ZNF195: variants seen among roughly 807,000 people sequenced by gnomAD.
ZNF195 encodes the protein hypoxia-regulated factor-1.
ZNF195 carries 11 observed loss-of-function variants against 19.5 expected under a neutral mutation model. That is an observed-to-expected ratio of 0.57 (90% CI 0.36 to 0.94). The LOEUF (loss-of-function observed/expected upper bound fraction) is 0.94. Ranked by LOEUF, ZNF195 falls within the 40% of genes least tolerant of loss-of-function variation. The pLI is 0.01. For synonymous variants in ZNF195, 214 were observed against 248.1 expected (o/e 0.86, Z 1.29); for missense variants, 582 against 709.0 (o/e 0.82, Z 2.03).
In ZNF195 at chr11:3,371,691, A is replaced by G; in HGVS notation, c.16T>C (p.Phe6Leu). The G allele has an allele frequency of 1.9e-6, 3 of 1,603,490 alleles. No individual in the cohort carries two copies. The highest frequency in any genetic ancestry group is 1.7e-4 in the Middle Eastern group (1 of 6,006). ...GAGAATTCTATGGCCACATCCCTGA[A>G]CGTCAACAGAGTCTGAAGAAGAAAC... Reference protein sequence around the residue: MTLLTFRDVAIEFSLE... With the variant: MTLLTLRDVAIEFSLE... The change falls in exon 2 of 6, where the codon TTC becomes CTC. Residue 6 changes from phenylalanine (F) to leucine (L), a missense_variant. By Grantham distance (22) the Phe-to-Leu change is conservative. Around this residue, in one of 3 missense-constraint regions of ZNF195, gnomAD observed 46 missense variants for 66.5 expected, o/e 0.69. Coordinates refer to ENST00000399602, the MANE Select transcript of ZNF195 (RefSeq NM_001130520.3).
rs540470072 is a variant in ZNF195 at position 3,360,986 on chromosome 11, G to A, written c.374-198C>T. 3.0e-4 allele frequency among the ~76,000 whole-genome samples: 45 copies of A among 152,238 alleles called. 1 individual carries two copies. The highest frequency in any genetic ancestry group is 9.1e-4 in the African/African-American group (38 of 41,532). ...TGGCAAAGATTGGTTTCTGCCCCCT[G>A]TGACACGGAGTGCTGAGAGAAATGG... is the stretch of plus-strand genomic sequence containing the variant. On this transcript the variant is annotated intron_variant, in intron 4 of 5. Transcript: ENST00000399602.
chr11:3,376,331 C>CT (rs1336869179), intron 1 of ZNF195, among the ~76,000 whole-genome samples: 5 of 149,278 alleles, frequency 3.3e-5, no homozygotes, highest in African/African-American at 1.2e-4. Flanking sequence ...TAGCTGATAA[C>CT]TGAAAAAAAA....
intron 3 of ZNF195, among the ~76,000 whole-genome samples, chr11:3,368,600 G>C (rs1849021827): frequency 6.6e-6 from 1 of 152,212 alleles, no homozygotes; most frequent in South Asian, 2.1e-4. Flanking sequence ...AATTACAATA[G>C]ACTTGGCATA....
chr11:3,372,376 C>A (rs1424218195), intron 1 of ZNF195, among the ~76,000 whole-genome samples: 1 of 152,228 alleles, frequency 6.6e-6, no homozygotes, highest in Non-Finnish European at 1.5e-5. Flanking sequence ...GAAAATCTGT[C>A]AGGGAGCTCT....
Position 3,359,592 on chromosome 11 carries a change from C to G in ZNF195, c.1416G>C (p.Gly472=). The G allele has an allele frequency of 1.2e-6, 2 of 1,613,296 alleles. No individual in the cohort carries two copies. Among genetic ancestry groups the G allele is most frequent in the South Asian group, 2.2e-5 (2 of 91,016 alleles). ...GEKPYQCEEC[G]KVFRTCSSLS... ...GGCTTGAGCAAGTTCTGAAGACCTT[C>G]CCACATTCTTCACATTGGTAGGGTT... Residue 472 remains glycine, a synonymous_variant, in exon 6 of 6, where the codon GGG becomes GGC. Transcript: ENST00000399602. The surrounding 1 kb of genome is among the most constrained non-coding windows in gnomAD (Gnocchi z 5.5).
chr11:3,379,026 C>T lies in ZNF195; in HGVS notation c.3+12G>A. 2.0e-6 allele frequency: 3 copies of T among 1,489,182 alleles called. No homozygotes were observed. The highest frequency in any genetic ancestry group is 1.4e-5 in the African/African-American group (1 of 70,642). 92.2% of individuals were successfully genotyped at this position (1,489,182 alleles called of 1,614,324 possible). Reference sequence around the variant, plus strand: ...CTCCCTGTCTCTCAGGAGGCCTGGCCCCTACACTCACCATCTCCTGGCCTC... The same window carrying T: ...CTCCCTGTCTCTCAGGAGGCCTGGCTCCTACACTCACCATCTCCTGGCCTC... On this transcript the variant is annotated intron_variant, in intron 1 of 5. Transcript: ENST00000399602.
Position 3,360,733 on chromosome 11 carries a change from G to A in ZNF195, c.429C>T (p.Cys143=). 6.4e-7 allele frequency: 1 copy of A among 1,551,474 alleles called. No individual in the cohort carries two copies. The highest frequency in any genetic ancestry group is 8.7e-7 in the Non-Finnish European group (1 of 1,146,934). ...ATGTAACAATACCTAGTGAGAAGAT[G>A]CATCTGAACTCTAAAAACCATTTCA... The part of the protein sequence containing the change: ...QTVKWFLEFR[C]IFSLAMSSHF... The change falls in exon 5 of 6, where the codon TGC becomes TGT. Residue 143 remains cysteine (C), a synonymous_variant. Transcript: ENST00000399602.
rs145625334 is a variant in ZNF195 at position 3,370,430 on chromosome 11, T to A, written c.226+545A>T. Among the ~76,000 whole-genome samples, 1,230 of 152,346 alleles carry A rather than the reference T, an allele frequency of 8.1e-3. 22 individuals are homozygous for A. Among genetic ancestry groups the A allele is most frequent in the South Asian group, 0.036 (176 of 4,830 alleles). On this transcript the variant is annotated intron_variant, in intron 3 of 5. Coordinates refer to ENST00000399602, the MANE Select transcript of ZNF195 (RefSeq NM_001130520.3). ...AGTAAAATAACATTAGATTATCTCA[T>A]ATTTGGGCAGATGCCTAGTGTTCGG...
chr11:3,358,762 G>GCTCTAT lies in ZNF195; in HGVS notation c.*355_*356insATAGAG. On this transcript the variant is annotated 3_prime_UTR_variant, in exon 6 of 6. Coordinates refer to ENST00000399602, the MANE Select transcript of ZNF195 (RefSeq NM_001130520.3). ...GGGATTCAGTGTCATTTCTGAACGTGTCCTTGCTTATTTTTCCCATTTAGT... is the reference window on the plus strand; with the variant it reads ...GGGATTCAGTGTCATTTCTGAACGTGCTCTATTCCTTGCTTATTTTTCCCATTTAGT... 1.3e-5 allele frequency: 1 copy of GCTCTAT among 75,914 alleles called. No homozygotes were observed. Among genetic ancestry groups the GCTCTAT allele is most frequent in the Non-Finnish European group, 2.2e-5 (1 of 44,812 alleles). 4.7% of individuals were successfully genotyped at this position (75,914 alleles called of 1,614,324 possible). A position where few individuals can be genotyped will look rare whatever the true frequency, so the allele number is the denominator to read the frequency against.
chr11:3,364,008 G>T (rs1229896911), intron 3 of ZNF195, among the ~76,000 whole-genome samples: 2 of 152,162 alleles, frequency 1.3e-5, no homozygotes, highest in African/African-American at 2.4e-5. Flanking sequence ...AGAAAAAAAG[G>T]TTGTTAACTT....
At chr11:3,363,113 T>G (rs1848710445) in intron 3 of ZNF195, among the ~76,000 whole-genome samples, 1 of 152,216 alleles carries the variant, frequency 6.6e-6, no homozygotes, top group Non-Finnish European at 1.5e-5. Flanking sequence ...GGTATTGAAG[T>G]AACTTCCTAT....
intron 1 of ZNF195, chr11:3,373,760 C>T (rs905958876): frequency 1.7e-5 from 13 of 781,334 alleles, no homozygotes; most frequent in Admixed American, 1.3e-4. Flanking sequence ...AAAGTCCACG[C>T]TTTTCTGTTC....
intron 1 of ZNF195, among the ~76,000 whole-genome samples, chr11:3,372,554 T>TAAATATCTCCCAGGTTCTGAC (rs200524195): frequency 2.7e-5 from 4 of 150,634 alleles, no homozygotes; most frequent in South Asian, 2.1e-4. Flanking sequence ...AAGAGACAAA[T>TAAATATCTCCCAGGTTCTGAC]AAATATCTCC....
chr11:3,361,617 A>G, intron 4 of ZNF195, 126 bp downstream of exon 4: 2 of 479,392 alleles, frequency 4.2e-6, no homozygotes, highest in Non-Finnish European at 6.4e-6. Context: ...AAGAAGCTCA[A>G]CACATCAACT....
At chr11:3,361,709 G>A (rs1257905444) in intron 4 of ZNF195, 34 bp downstream of exon 4, 37 of 1,298,042 alleles carry the variant, frequency 2.9e-5, no homozygotes, top group Non-Finnish European at 3.4e-5. Context: ...AAAGCAGCAA[G>A]TGAAAAGCAA....
intron 3 of ZNF195, 32 bp downstream of exon 3, chr11:3,370,943 C>A (rs371219138): frequency 1.9e-6 from 3 of 1,611,670 alleles, no homozygotes; most frequent in Non-Finnish European, 2.5e-6. Context: ...GACCTCTCAC[C>A]TGGGTTACCT....
chr11:3,368,333 C>T (rs1415784278), intron 3 of ZNF195, among the ~76,000 whole-genome samples: 1 of 152,156 alleles, frequency 6.6e-6, no homozygotes, highest in African/African-American at 2.4e-5. Context: ...GAGAATCAGG[C>T]ACCACGGCTC....
chr11:3,369,132 C>A, intron 3 of ZNF195: 1 of 274,878 alleles, frequency 3.6e-6, no homozygotes, highest in South Asian at 3.8e-5. Flanking sequence ...ACTAGGATGG[C>A]TAATATCAAA....
At position 3,360,555 on chromosome 11, in the gene ZNF195, A is replaced by G; in HGVS notation, c.453T>C (p.Ser151=). The part of the protein sequence containing the change: ...FRCIFSLAMS[S]HFTQDLLPEQ... ...CTGGCAGAAGGTCTTGGGTAAAATG[A>G]GAAGACATAGCTGAAAAAAAAAAAA... is the stretch of plus-strand genomic sequence containing the variant. The change falls in exon 6 of 6, where the codon TCT becomes TCC. Residue 151 remains serine (S), a synonymous_variant. Coordinates refer to ENST00000399602, the MANE Select transcript of ZNF195 (RefSeq NM_001130520.3). 6.4e-7 allele frequency: 1 copy of G among 1,572,088 alleles called. No individual in the cohort carries two copies. Among genetic ancestry groups the G allele is most frequent in the Non-Finnish European group, 8.6e-7 (1 of 1,166,138 alleles).
Sources: gnomAD v4.1 joint callset for allele counts (sites outside exome capture counted in the v4.1 genomes callset) on GRCh38, gnomAD v4.1.1 for gene constraint, gnomAD v4.1.1 regional missense constraint, Gnocchi (gnomAD v3.1) non-coding constraint, MANE v1.5 for transcripts, NCBI Gene and HGNC (gene_info 2026-07-23, HGNC 2026-07-21) for gene names.